The following RAP1A variants were observed in gnomAD, a reference collection of about 807,000 sequenced individuals.
The protein encoded by RAP1A is RAP1A, member of RAS oncogene family, also known as ras-related protein Rap-1A.
A neutral mutation model predicts 26.4 loss-of-function variants in RAP1A; 6 were observed. The observed-to-expected ratio is 0.23, with a 90% CI of 0.12 to 0.45. The LOEUF is 0.45. Among genes scored for constraint, RAP1A ranks in the 20% least tolerant of loss-of-function variants. The pLI is 0.99. For synonymous variants in RAP1A, 73 were observed against 79.4 expected, an observed-to-expected ratio of 0.92 and a Z score of 0.43; for missense variants, 121 against 217.2, an observed-to-expected ratio of 0.56 and a Z score of 2.78.
At chr1:111,576,533 C>T (rs1374601519) in intron 1 of RAP1A, among the ~76,000 whole-genome samples, 4 of 152,122 alleles carry the variant, frequency 2.6e-5, no homozygotes, top group African/African-American at 4.8e-5. Context: ...TAGGAGAACC[C>T]GTCTGGGTTA....
intron 1 of RAP1A, among the ~76,000 whole-genome samples, chr1:111,631,599 CT>C (rs908762309): frequency 3.9e-5 from 6 of 152,104 alleles, no homozygotes; most frequent in South Asian, 2.1e-4. Flanking sequence ...GAAGAAGGGA[CT>C]TTTGCAATAC....
chr1:111,678,255 TG>T (rs1661186674), intron 1 of RAP1A, among the ~76,000 whole-genome samples: 1 of 152,226 alleles, frequency 6.6e-6, no homozygotes, highest in Non-Finnish European at 1.5e-5. Context: ...TACTAATATA[TG>T]GCATAGCTCT....
intron 1 of RAP1A, among the ~76,000 whole-genome samples, chr1:111,542,803 T>A (rs941686635): frequency 6.6e-6 from 1 of 152,110 alleles, no homozygotes; most frequent in Non-Finnish European, 1.5e-5. Flanking sequence ...TTCAAGTGAT[T>A]CTCCTGCCTC....
intron 1 of RAP1A, among the ~76,000 whole-genome samples, chr1:111,570,109 C>T (rs568391330): frequency 2.6e-5 from 4 of 152,254 alleles, no homozygotes; most frequent in Admixed American, 2.0e-4. Context: ...CATGAGATCT[C>T]AAATGCCCTG....
chr1:111,582,412 G>A (rs538257069), intron 1 of RAP1A, among the ~76,000 whole-genome samples: 1 of 152,238 alleles, frequency 6.6e-6, no homozygotes, highest in East Asian at 1.9e-4. Context: ...GTTTTACACT[G>A]TTTTTCTTTT....
intron 1 of RAP1A, among the ~76,000 whole-genome samples, chr1:111,607,101 G>C (rs1658800840): frequency 6.6e-6 from 1 of 150,786 alleles, no homozygotes. Context: ...GGACAATAGT[G>C]GAGGGAAGGT....
chr1:111,714,130 TG>T lies in RAP1A; in HGVS notation c.*1731del, dbSNP rs2101327170. On this transcript the variant is annotated 3_prime_UTR_variant, in exon 8 of 8. Transcript: ENST00000369709. ...TGTTAAAGTATTGTTTTTAAAAAAA[TG>T]GAAATTTTTTTTGTTTGTGTTTTTG... 6.6e-6 allele frequency: 1 copy of T among 152,298 alleles called. No individual in the cohort carries two copies. The highest frequency in any genetic ancestry group is 2.1e-4 in the South Asian group (1 of 4,830). The allele number at this position is 152,298 out of a possible 1,614,324, so 9.4% of individuals were successfully genotyped here.
Position 111,714,051 on chromosome 1 carries a change from A to T in RAP1A, c.*1650A>T, listed in dbSNP as rs1334030834. 6.6e-6 allele frequency: 1 copy of T among 152,210 alleles called. No homozygotes were observed. Among genetic ancestry groups the T allele is most frequent in the Non-Finnish European group, 1.5e-5 (1 of 68,038 alleles). The allele number at this position is 152,210 out of a possible 1,614,324, so 9.4% of individuals were successfully genotyped here. A position where few individuals can be genotyped will look rare whatever the true frequency, so the allele number is the denominator to read the frequency against. On this transcript the variant is annotated 3_prime_UTR_variant, in exon 8 of 8. Transcript: ENST00000369709. Reference sequence around the variant, plus strand: ...ATGTGGTCAGCCTGTCACTTACTAAACTGAAATTTTAAAATCAGGTTTCAA... The same window carrying T: ...ATGTGGTCAGCCTGTCACTTACTAATCTGAAATTTTAAAATCAGGTTTCAA...
At chr1:111,642,601 C>T (rs2477433) in intron 1 of RAP1A, among the ~76,000 whole-genome samples, 9,269 of 151,830 alleles carry the variant, frequency 0.061, 304 homozygotes, top group South Asian at 0.086. Flanking sequence ...CATTCTCCTG[C>T]GTCAGCCTCC....
intron 1 of RAP1A, among the ~76,000 whole-genome samples, chr1:111,641,955 G>A (rs915030052): frequency 6.6e-6 from 1 of 152,030 alleles, no homozygotes; most frequent in Admixed American, 6.6e-5. Context: ...TATAAAATGG[G>A]GACAGTAGGC....
chr1:111,642,668 T>G (rs921747771), intron 1 of RAP1A, among the ~76,000 whole-genome samples: 7 of 151,968 alleles, frequency 4.6e-5, no homozygotes, highest in African/African-American at 1.7e-4. Flanking sequence ...TTTGTATTTT[T>G]AGCAGAGACA....
chr1:111,574,053 T>C (rs1387389850), intron 1 of RAP1A, among the ~76,000 whole-genome samples: 1 of 152,228 alleles, frequency 6.6e-6, no homozygotes, highest in Non-Finnish European at 1.5e-5. Context: ...CAAAATGATA[T>C]TGCCTAGGTT....
chr1:111,628,660 A>G (rs1265224397), intron 1 of RAP1A, among the ~76,000 whole-genome samples: 1 of 152,186 alleles, frequency 6.6e-6, no homozygotes, highest in Non-Finnish European at 1.5e-5. Context: ...TAACACAGGT[A>G]AGGTAAGATC....
intron 1 of RAP1A, among the ~76,000 whole-genome samples, chr1:111,646,233 T>C (rs1386086036): frequency 6.6e-6 from 1 of 152,156 alleles, no homozygotes; most frequent in East Asian, 1.9e-4. Context: ...TTTTACACTT[T>C]TTTTTCTCTC....
intron 4 of RAP1A, among the ~76,000 whole-genome samples, chr1:111,701,715 C>T (rs894527275): frequency 2.0e-5 from 3 of 152,158 alleles, no homozygotes; most frequent in African/African-American, 7.2e-5. Context: ...CTCAGGTTGC[C>T]TGTATGTTTA....
chr1:111,680,825 TAAC>T (rs1388035323), intron 1 of RAP1A: 1 of 125,320 alleles, frequency 8.0e-6, no homozygotes, highest in Non-Finnish European at 1.7e-5. Context: ...GAAGGAAAAC[TAAC>T]AAACAGAAAG....
intron 1 of RAP1A, among the ~76,000 whole-genome samples, chr1:111,664,251 G>A (rs1660721521): frequency 6.6e-6 from 1 of 151,922 alleles, no homozygotes; most frequent in African/African-American, 2.4e-5. Flanking sequence ...GCACATGCCT[G>A]TAGTCCCAGC....
chr1:111,663,811 G>T (rs1244814131), intron 1 of RAP1A, among the ~76,000 whole-genome samples: 2 of 151,862 alleles, frequency 1.3e-5, no homozygotes, highest in Non-Finnish European at 2.9e-5. Context: ...TCTTTTATCT[G>T]CATTTTGAAG....
At chr1:111,688,821 TGTTTTTTTTTTTG>T (rs1661578673) in intron 1 of RAP1A, among the ~76,000 whole-genome samples, 3 of 71,166 alleles carry the variant, frequency 4.2e-5, no homozygotes, top group Non-Finnish European at 9.1e-5. Context: ...TTTTTTTTTT[TGTTTTTTTTTTTG>T]TTTTTTTGTT....
Sources: gnomAD v4.1 joint callset for allele counts (sites outside exome capture counted in the v4.1 genomes callset) on GRCh38, gnomAD v4.1.1 for gene constraint, MANE v1.5 for transcripts, NCBI Gene and HGNC (gene_info 2026-07-23, HGNC 2026-07-21) for gene names.